The following NTNG1 variants were observed in gnomAD, a reference collection of about 807,000 sequenced individuals.
NTNG1 encodes the protein netrin G1.
In NTNG1, 16 loss-of-function variants were observed where a neutral mutation model predicts 54.0. The ratio of observed to expected loss-of-function variants is 0.30; its 90% confidence interval spans 0.20 to 0.45. NTNG1 has a LOEUF of 0.45. Ranked by LOEUF, NTNG1 falls within the 20% of genes least tolerant of loss-of-function variation. The pLI is 1.00. For missense variants in NTNG1, 530 were observed against 678.7 expected (o/e 0.78, Z 2.43); for synonymous variants, 255 against 263.1 (o/e 0.97, Z 0.30).
At chr1:107,177,172 C>T (rs7519914) in intron 2 of NTNG1, among the ~76,000 whole-genome samples, 118,212 of 152,034 alleles carry the variant, frequency 0.78, 46,577 homozygotes, top group Middle Eastern at 0.87. Flanking sequence ...TCCAATGACT[C>T]TTACCATAAT....
At chr1:107,221,998 G>T (rs1660378319) in intron 2 of NTNG1, among the ~76,000 whole-genome samples, 1 of 151,744 alleles carries the variant, frequency 6.6e-6, no homozygotes, top group African/African-American at 2.4e-5. Context: ...ATTTATTTTA[G>T]TTCCTTCAAC....
intron 2 of NTNG1, among the ~76,000 whole-genome samples, chr1:107,209,264 G>A (rs1299335383): frequency 6.6e-6 from 1 of 151,852 alleles, no homozygotes; most frequent in Non-Finnish European, 1.5e-5. Context: ...CTTTTGATCA[G>A]TCACAGATTT....
chr1:107,275,681 T>C (rs888637517), intron 2 of NTNG1, among the ~76,000 whole-genome samples: 7 of 152,218 alleles, frequency 4.6e-5, no homozygotes, highest in African/African-American at 1.7e-4. Context: ...ATGAGTTCTT[T>C]ACTCAAGGAA....
intron 2 of NTNG1, among the ~76,000 whole-genome samples, chr1:107,198,279 A>G (rs536143566): frequency 6.6e-6 from 1 of 152,088 alleles, no homozygotes; most frequent in East Asian, 1.9e-4. Context: ...TCAAAATTAT[A>G]TTGTGGAAGG....
At chr1:107,400,012 AG>A in intron 4 of NTNG1, among the ~76,000 whole-genome samples, 1 of 152,180 alleles carries the variant, frequency 6.6e-6, no homozygotes, top group African/African-American at 2.4e-5. Flanking sequence ...TTGACATTCT[AG>A]CCTATTCTTG....
At chr1:107,283,585 T>G (rs975635747) in intron 2 of NTNG1, among the ~76,000 whole-genome samples, 4 of 152,242 alleles carry the variant, frequency 2.6e-5, no homozygotes, top group African/African-American at 9.6e-5. Flanking sequence ...GTCAGATTAA[T>G]TGCTGTATTG....
At chr1:107,333,455 T>C (rs1472780828) in intron 3 of NTNG1, among the ~76,000 whole-genome samples, 1 of 152,044 alleles carries the variant, frequency 6.6e-6, no homozygotes, top group Non-Finnish European at 1.5e-5. Context: ...ATTCATATAT[T>C]AAAGACCCTG....
chr1:107,253,620 A>G (rs1662751036), intron 2 of NTNG1, among the ~76,000 whole-genome samples: 1 of 152,242 alleles, frequency 6.6e-6, no homozygotes, highest in East Asian at 1.9e-4. Context: ...CCAGAAGGCA[A>G]TTATTGGTTT....
At chr1:107,374,794 G>T (rs1671129412) in intron 3 of NTNG1, among the ~76,000 whole-genome samples, 1 of 151,904 alleles carries the variant, frequency 6.6e-6, no homozygotes, top group African/African-American at 2.4e-5. Flanking sequence ...TTATCTGGTT[G>T]AGTGTTGAGC....
At chr1:107,201,082 C>A (rs1658719575) in intron 2 of NTNG1, among the ~76,000 whole-genome samples, 1 of 151,764 alleles carries the variant, frequency 6.6e-6, no homozygotes, top group South Asian at 2.1e-4. Context: ...TTCAAATATT[C>A]TTCAAGCCAT....
At chr1:107,320,849 T>A (rs529793424) in intron 2 of NTNG1, among the ~76,000 whole-genome samples, 1 of 152,202 alleles carries the variant, frequency 6.6e-6, no homozygotes, top group Non-Finnish European at 1.5e-5. Flanking sequence ...AACAATTGAT[T>A]TTTTCCCCTC....
intron 3 of NTNG1, among the ~76,000 whole-genome samples, chr1:107,334,215 T>C: frequency 6.6e-6 from 1 of 152,010 alleles, no homozygotes; most frequent in Non-Finnish European, 1.5e-5. Context: ...GTTAAATGAA[T>C]CTTGCCTTTC....
At chr1:107,430,969 G>T in intron 6 of NTNG1, 52 bp downstream of exon 6, 1 of 1,573,472 alleles carries the variant, frequency 6.4e-7, no homozygotes, top group Non-Finnish European at 8.7e-7. Context: ...GAGCTACGGG[G>T]AGATATTTAG....
At chr1:107,464,044 T>C (rs1407761614) in intron 7 of NTNG1, among the ~76,000 whole-genome samples, 2 of 152,174 alleles carry the variant, frequency 1.3e-5, no homozygotes, top group African/African-American at 4.8e-5. Context: ...AGTATTCAAG[T>C]CTGATGTAAT....
At chr1:107,440,665 T>C (rs980526841) in intron 7 of NTNG1, among the ~76,000 whole-genome samples, 2 of 152,150 alleles carry the variant, frequency 1.3e-5, no homozygotes, top group Admixed American at 6.6e-5. Flanking sequence ...TGGGCCACTA[T>C]TGAGGAATCA....
rs1204470957 is a variant in NTNG1, at chr1:107,205,618, CT to C, written c.246+56788del. On this transcript the variant is annotated intron_variant, in intron 2 of 7. Transcript: ENST00000370068. ...ATTCTTTTTCAGTGTATAAAGCAGA[CT>C]TTTTTTTTAAAAAAAACTATATAAT... Among the ~76,000 whole-genome samples, 248 of 151,744 alleles carry C rather than the reference CT, an allele frequency of 1.6e-3. 3 individuals carry two copies. The highest frequency in any genetic ancestry group is 6.8e-3 in the Middle Eastern group (2 of 294).
chr1:107,204,338 A>G lies in NTNG1; in HGVS notation c.246+55499A>G, dbSNP rs947994629. The stretch of plus-strand genomic sequence containing the variant: ...ATTTCTAACTATTTTTTAACAACAG[A>G]CAATGGTGGAACTGACACTGCATCA... On this transcript the variant is annotated intron_variant, in intron 2 of 7. Transcript: ENST00000370068. Among the ~76,000 whole-genome samples the G allele has an allele frequency of 1.7e-4, 26 of 152,148 alleles. 1 individual carries two copies. The highest frequency in any genetic ancestry group is 2.4e-4 in the Non-Finnish European group (16 of 68,016).
At chr1:107,191,293 A>G (rs1374935744) in intron 2 of NTNG1, among the ~76,000 whole-genome samples, 4 of 151,866 alleles carry the variant, frequency 2.6e-5, no homozygotes, top group Admixed American at 1.3e-4. Flanking sequence ...TTTCTTGTAA[A>G]TTTGTTTGAG....
chr1:107,432,819 C>T (rs936600498), intron 6 of NTNG1, among the ~76,000 whole-genome samples: 1 of 152,024 alleles, frequency 6.6e-6, no homozygotes, highest in Non-Finnish European at 1.5e-5. Flanking sequence ...TATCAGGTAA[C>T]TTAACAATAT....
Sources: gnomAD v4.1 joint callset for allele counts (sites outside exome capture counted in the v4.1 genomes callset) on GRCh38, gnomAD v4.1.1 for gene constraint, MANE v1.5 for transcripts, NCBI Gene and HGNC (gene_info 2026-07-23, HGNC 2026-07-21) for gene names.